CTNND2: variants seen among roughly 807,000 people sequenced by gnomAD.
The protein encoded by CTNND2 is catenin delta 2.
CTNND2 carries 22 observed loss-of-function variants against 144.4 expected under a neutral mutation model. The ratio of observed to expected loss-of-function variants is 0.15; its 90% CI spans 0.11 to 0.22. The LOEUF is 0.22. Among genes scored for constraint, CTNND2 ranks in the 10% least tolerant of loss-of-function variants. The pLI is 1.00. For synonymous variants in CTNND2, 751 were observed against 695.6 expected (o/e 1.08, Z -1.25); for missense variants, 1,353 against 1,618.8 (o/e 0.84, Z 2.82).
intron 3 of CTNND2, among the ~76,000 whole-genome samples, chr5:11,511,424 G>C (rs1434870510): frequency 2.0e-5 from 3 of 152,098 alleles, no homozygotes; most frequent in Non-Finnish European, 4.4e-5. Context: ...GCCAGGGCTG[G>C]GAGGGGAGAA....
At chr5:11,720,848 A>G (rs1364179592) in intron 2 of CTNND2, among the ~76,000 whole-genome samples, 1 of 152,178 alleles carries the variant, frequency 6.6e-6, no homozygotes, top group Non-Finnish European at 1.5e-5. Context: ...GAAAACATCA[A>G]GTGTTGGCAA....
At chr5:11,406,375 AC>A (rs1443658886) in intron 5 of CTNND2, among the ~76,000 whole-genome samples, 1 of 152,038 alleles carries the variant, frequency 6.6e-6, no homozygotes, top group Non-Finnish European at 1.5e-5. Flanking sequence ...AACAAAGAAA[AC>A]AGCCCTTTTT....
chr5:11,573,447 C>T (rs1488621824), intron 2 of CTNND2, among the ~76,000 whole-genome samples: 3 of 152,090 alleles, frequency 2.0e-5, no homozygotes, highest in African/African-American at 7.2e-5. Flanking sequence ...TAATTTTACC[C>T]CACTGAAACA....
intron 9 of CTNND2, among the ~76,000 whole-genome samples, chr5:11,268,365 T>G (rs1745662750): frequency 6.6e-6 from 1 of 152,214 alleles, no homozygotes; most frequent in South Asian, 2.1e-4. Context: ...GGCAGATCAC[T>G]TGAGGCCAAG....
At chr5:11,767,123 C>T (rs1210697129) in intron 1 of CTNND2, among the ~76,000 whole-genome samples, 3 of 152,150 alleles carry the variant, frequency 2.0e-5, no homozygotes, top group Admixed American at 2.0e-4. Flanking sequence ...AAAATCTCAC[C>T]TTTCCCTGGA....
intron 9 of CTNND2, among the ~76,000 whole-genome samples, chr5:11,255,988 C>T (rs1336212631): frequency 6.6e-6 from 1 of 152,200 alleles, no homozygotes; most frequent in Non-Finnish European, 1.5e-5. Flanking sequence ...CATTGCACTC[C>T]ATCACGGGAC....
chr5:11,467,828 A>G (rs1303176311), intron 3 of CTNND2, among the ~76,000 whole-genome samples: 2 of 152,204 alleles, frequency 1.3e-5, no homozygotes, highest in Non-Finnish European at 2.9e-5. Flanking sequence ...ACTATTTAAA[A>G]CTTCCAGTAA....
intron 1 of CTNND2, among the ~76,000 whole-genome samples, chr5:11,810,698 G>C (rs1360059688): frequency 6.6e-6 from 1 of 152,066 alleles, no homozygotes; most frequent in Non-Finnish European, 1.5e-5. Context: ...AGCAATTACT[G>C]GCATGTGTAC....
chr5:11,364,796 A>G lies in CTNND2; in HGVS notation c.1272T>C (p.Tyr424=), dbSNP rs1358781934. 5 of 1,613,870 alleles carry G rather than the reference A, an allele frequency of 3.1e-6. No homozygotes were observed. Among genetic ancestry groups the G allele is most frequent in the South Asian group, 1.1e-5 (1 of 91,046 alleles). ...QSPEHHIDPI[Y]EDRVYQKPPM... ...GGGGCTTCTGATAGACGCGGTCTTC[A>G]TAGATGGGATCTATGTGGTGTTCTG... Residue 424 remains tyrosine (Y), a synonymous_variant, in exon 8 of 22, where the codon TAT becomes TAC. Transcript: ENST00000304623.
chr5:11,825,304 A>G (rs777047338), intron 1 of CTNND2, among the ~76,000 whole-genome samples: 21 of 152,210 alleles, frequency 1.4e-4, no homozygotes, highest in Non-Finnish European at 2.6e-4. Flanking sequence ...TGTGAAAATA[A>G]AAACACAACA....
intron 2 of CTNND2, among the ~76,000 whole-genome samples, chr5:11,671,825 C>T (rs1478772293): frequency 6.6e-6 from 1 of 151,958 alleles, no homozygotes; most frequent in African/African-American, 2.4e-5. Context: ...CCCTTGCTGG[C>T]GAGGAGCTGT....
At chr5:11,465,091 T>TA (rs1384648486) in intron 3 of CTNND2, among the ~76,000 whole-genome samples, 52 of 152,334 alleles carry the variant, frequency 3.4e-4, no homozygotes, top group African/African-American at 1.2e-3. Flanking sequence ...TAACTGATTT[T>TA]TGTCTTTTGG....
intron 6 of CTNND2, among the ~76,000 whole-genome samples, chr5:11,396,210 A>T (rs904471322): frequency 6.6e-6 from 1 of 152,188 alleles, no homozygotes; most frequent in African/African-American, 2.4e-5. Context: ...GGTTAGAAGG[A>T]CTTATGTTGC....
chr5:11,819,930 G>C (rs1332868600), intron 1 of CTNND2, among the ~76,000 whole-genome samples: 1 of 152,136 alleles, frequency 6.6e-6, no homozygotes, highest in Non-Finnish European at 1.5e-5. Context: ...GCTCTTCCCT[G>C]ACTGCTAAAG....
intron 10 of CTNND2, among the ~76,000 whole-genome samples, chr5:11,235,703 T>C (rs139908946): frequency 6.6e-6 from 1 of 152,322 alleles, no homozygotes; most frequent in East Asian, 1.9e-4. Flanking sequence ...TTGAGAACCA[T>C]TGCTCTATAT....
chr5:11,644,864 T>A (rs1371963996), intron 2 of CTNND2, among the ~76,000 whole-genome samples: 1 of 152,194 alleles, frequency 6.6e-6, no homozygotes, highest in Non-Finnish European at 1.5e-5. Flanking sequence ...TTGATTTTTT[T>A]ATCTGTTAGA....
intron 9 of CTNND2, among the ~76,000 whole-genome samples, chr5:11,245,472 T>G (rs947668280): frequency 8.6e-5 from 13 of 152,016 alleles, no homozygotes; most frequent in African/African-American, 3.1e-4. Flanking sequence ...AAGAGGGCAA[T>G]GTAACACTGA....
chr5:11,612,556 G>A (rs1780382967), intron 2 of CTNND2, among the ~76,000 whole-genome samples: 1 of 152,094 alleles, frequency 6.6e-6, no homozygotes, highest in African/African-American at 2.4e-5. Context: ...GAAAGCAACA[G>A]CATTAAAAAG....
At chr5:11,416,325 G>A (rs976144378) in intron 3 of CTNND2, among the ~76,000 whole-genome samples, 2 of 152,198 alleles carry the variant, frequency 1.3e-5, no homozygotes, top group Non-Finnish European at 2.9e-5. Context: ...ATAATTGGAA[G>A]TGAATATAAA....
Sources: allele counts gnomAD v4.1 joint callset (sites outside exome capture counted in the v4.1 genomes callset), GRCh38; gene constraint gnomAD v4.1.1; transcripts MANE v1.5; gene names NCBI Gene and HGNC (gene_info 2026-07-23, HGNC 2026-07-21).